The following AKAP10 variants were observed in gnomAD, a reference collection of about 807,000 sequenced individuals.
AKAP10 encodes the protein A-kinase anchoring protein 10.
AKAP10 carries 24 observed loss-of-function variants against 80.8 expected under a neutral mutation model. That is an observed-to-expected ratio of 0.30 (90% CI 0.22 to 0.42). The LOEUF (loss-of-function observed/expected upper bound fraction) is 0.42. Ranked by LOEUF, AKAP10 falls within the 10% of genes least tolerant of loss-of-function variation. The probability of loss-of-function intolerance (pLI) is 1.00; values close to 1 mark genes in which losing one functional copy is unlikely to be tolerated. For synonymous variants in AKAP10, 291 were observed against 277.7 expected (o/e 1.05, Z -0.48); for missense variants, 661 against 794.9 (o/e 0.83, Z 2.03).
intron 10 of AKAP10, among the ~76,000 whole-genome samples, chr17:19,928,669 G>C (rs1403749582): frequency 6.6e-6 from 1 of 152,200 alleles, no homozygotes; most frequent in Admixed American, 6.5e-5. Flanking sequence ...TTGAGGTCAA[G>C]AGTTCGAGAC....
At chr17:19,938,526 C>T (rs376401103) in intron 8 of AKAP10, among the ~76,000 whole-genome samples, 1 of 152,044 alleles carries the variant, frequency 6.6e-6, no homozygotes, top group East Asian at 1.9e-4. Flanking sequence ...CGTGAGCCAC[C>T]GCAACCAGCC....
intron 8 of AKAP10, 132 bp from the exon 9 acceptor site, chr17:19,936,562 G>C: frequency 2.3e-6 from 2 of 859,964 alleles, no homozygotes; most frequent in South Asian, 1.9e-5. Context: ...AGAGCTATGT[G>C]ATGACAGTGC....
intron 2 of AKAP10, among the ~76,000 whole-genome samples, chr17:19,964,173 C>A (rs1482190850): frequency 6.6e-6 from 1 of 152,144 alleles, no homozygotes. Flanking sequence ...CAGACAAGTA[C>A]AAGTAAGAGT....
chr17:19,946,551 G>T (rs1255316987), intron 5 of AKAP10, among the ~76,000 whole-genome samples: 1 of 149,560 alleles, frequency 6.7e-6, no homozygotes, highest in African/African-American at 2.5e-5. Context: ...TTGGAATATT[G>T]TCTGGGACAC....
intron 2 of AKAP10, among the ~76,000 whole-genome samples, chr17:19,963,877 C>T (rs563161667): frequency 1.3e-5 from 2 of 150,638 alleles, no homozygotes; most frequent in South Asian, 4.2e-4. Flanking sequence ...GCCTGAGCAA[C>T]GGGAGTGAAA....
intron 4 of AKAP10, among the ~76,000 whole-genome samples, chr17:19,951,379 AC>A (rs1316490246): frequency 2.6e-5 from 4 of 152,034 alleles, no homozygotes; most frequent in African/African-American, 9.7e-5. Context: ...CCCAGCTGCC[AC>A]CCCGTCTGGG....
At chr17:19,917,606 G>T (rs1173000263) in intron 12 of AKAP10, among the ~76,000 whole-genome samples, 1 of 152,150 alleles carries the variant, frequency 6.6e-6, no homozygotes, top group Non-Finnish European at 1.5e-5. Flanking sequence ...CTCACAAAGT[G>T]CTCAGATTAC....
chr17:19,913,542 C>A (rs546399983), intron 12 of AKAP10, among the ~76,000 whole-genome samples: 2 of 152,204 alleles, frequency 1.3e-5, no homozygotes, highest in Non-Finnish European at 2.9e-5. Context: ...TCGCCTTGGC[C>A]TCCCAAACTG....
chr17:19,958,945 C>T (rs930020621), intron 3 of AKAP10, among the ~76,000 whole-genome samples: 4 of 151,004 alleles, frequency 2.6e-5, no homozygotes, highest in Admixed American at 6.6e-5. Context: ...CTCCACCTCC[C>T]GGGTTCAAGC....
intron 4 of AKAP10, among the ~76,000 whole-genome samples, chr17:19,954,404 A>G (rs993293521): frequency 1.3e-5 from 2 of 152,184 alleles, no homozygotes; most frequent in Non-Finnish European, 2.9e-5. Context: ...ACAAAAAACA[A>G]AAAATCTGAC....
chr17:19,950,545 G>C (rs926766457), intron 4 of AKAP10, among the ~76,000 whole-genome samples: 1 of 152,264 alleles, frequency 6.6e-6, no homozygotes, highest in Non-Finnish European at 1.5e-5. Flanking sequence ...TCCTGACCGC[G>C]AGTGATCTGC....
At chr17:19,961,878 G>A (rs540696582) in intron 3 of AKAP10, among the ~76,000 whole-genome samples, 1 of 152,268 alleles carries the variant, frequency 6.6e-6, no homozygotes, top group Admixed American at 6.5e-5. Context: ...CACTTTGGGA[G>A]GCCTGTGTGG....
chr17:19,910,071 T>C (rs1251698039), intron 12 of AKAP10, 93 bp from the exon 13 acceptor site: 1 of 1,265,004 alleles, frequency 7.9e-7, no homozygotes, highest in African/African-American at 1.5e-5. Context: ...TTCATGCCTG[T>C]AATTCCAGCA....
rs2043451526 is a variant in AKAP10 at position 19,968,449 on chromosome 17, T to C, written c.101A>G (p.Glu34Gly). ...SFFRRKVKGK[E>G]QEKTSDVKSI... is the part of the protein sequence containing the mutation. Reference sequence around the variant, plus strand: ...CTTCACATCTGAGGTCTTCTCTTGTTCTTTGCCTTTCACTAGAACATAAAA... The same window carrying C: ...CTTCACATCTGAGGTCTTCTCTTGTCCTTTGCCTTTCACTAGAACATAAAA... The change falls in exon 2 of 15, where the codon GAA becomes GGA. Residue 34 changes from glutamate to glycine, a missense_variant. Transcript: ENST00000225737. 6.2e-7 allele frequency: 1 copy of C among 1,613,866 alleles called. No individual in the cohort carries two copies. Among genetic ancestry groups the C allele is most frequent in the Non-Finnish European group, 8.5e-7 (1 of 1,179,830 alleles).
At chr17:19,961,751 A>G (rs2043352193) in intron 3 of AKAP10, among the ~76,000 whole-genome samples, 1 of 152,232 alleles carries the variant, frequency 6.6e-6, no homozygotes, top group Non-Finnish European at 1.5e-5. Flanking sequence ...TTTACCATGC[A>G]TACTGTGACT....
chr17:19,924,338 T>G, intron 11 of AKAP10, 70 bp downstream of exon 11: 1 of 1,116,664 alleles, frequency 9.0e-7, no homozygotes, highest in South Asian at 1.9e-5. Flanking sequence ...AATGTAAAAT[T>G]TAATTAAAAA....
chr17:19,970,288 T>C (rs1028092545), intron 1 of AKAP10, among the ~76,000 whole-genome samples: 1 of 152,162 alleles, frequency 6.6e-6, no homozygotes, highest in Non-Finnish European at 1.5e-5. Flanking sequence ...ATACAAACTA[T>C]GACCAACTGA....
chr17:19,947,581 AG>A (rs2043148810), intron 4 of AKAP10, 76 bp from the exon 5 acceptor site: 9 of 975,566 alleles, frequency 9.2e-6, no homozygotes, highest in Non-Finnish European at 1.3e-5. Flanking sequence ...CATGAATAGC[AG>A]GGCTTAGATC....
rs201022975 is a variant in AKAP10, at chr17:19,962,325, T to C, written c.319+515A>G. ...ACACACACACACACACACACACACA[T>C]ACACACCTGCACATATGAATGAGCA... On this transcript the variant is annotated intron_variant, in intron 3 of 14. Transcript: ENST00000225737. 3.1e-3 allele frequency among the ~76,000 whole-genome samples: 422 copies of C among 138,052 alleles called. 12 individuals are homozygous for C. In the East Asian group the frequency reaches 0.074, roughly 24 times the overall value. 90.6% of individuals were successfully genotyped at this position (138,052 alleles called of 152,430 possible).
Sources: allele counts gnomAD v4.1 joint callset (sites outside exome capture counted in the v4.1 genomes callset), GRCh38; gene constraint gnomAD v4.1.1; transcripts MANE v1.5; gene names NCBI Gene and HGNC (gene_info 2026-07-23, HGNC 2026-07-21).